WDFY2: variants seen among roughly 807,000 people sequenced by gnomAD.
WDFY2 encodes WD repeat and FYVE domain-containing protein 2.
In WDFY2, 36 loss-of-function variants were observed where a neutral mutation model predicts 56.4. That is an observed-to-expected ratio of 0.64 (90% CI 0.49 to 0.84). WDFY2 has a LOEUF of 0.84. WDFY2 is among the 40% of genes least tolerant of loss of function. The pLI is 0.00. For missense variants in WDFY2, 444 were observed against 512.2 expected (o/e 0.87, Z 1.29); for synonymous variants, 176 against 183.7 (o/e 0.96, Z 0.34).
chr13:51,610,256 G>GTTTTT (rs1221404866), intron 1 of WDFY2, among the ~76,000 whole-genome samples: 1 of 128,126 alleles, frequency 7.8e-6, no homozygotes, highest in East Asian at 2.2e-4. Context: ...TTTTTTTTTG[G>GTTTTT]GGGGCTAAAA....
In WDFY2 at chr13:51,584,686, C is replaced by G. The variant is rs1487138652; in HGVS notation, c.-2C>G. 4.3e-6 allele frequency: 7 copies of G among 1,610,684 alleles called. No individual in the cohort carries two copies. The highest frequency in any genetic ancestry group is 5.9e-6 in the Non-Finnish European group (7 of 1,178,870). ...GGCGCCCCAGGCGCGCCCCCTCCTCCGATGGCGGCGGAGATCCAGCCCAAG... is the reference window on the plus strand; with the variant it reads ...GGCGCCCCAGGCGCGCCCCCTCCTCGGATGGCGGCGGAGATCCAGCCCAAG... On this transcript the variant is annotated 5_prime_UTR_variant, in exon 1 of 12. Coordinates refer to ENST00000298125, the MANE Select transcript of WDFY2 (RefSeq NM_052950.4).
intron 9 of WDFY2, 110 bp downstream of exon 9, chr13:51,755,569 T>C (rs1190777469): frequency 1.9e-5 from 19 of 1,019,200 alleles, no homozygotes; most frequent in Non-Finnish European, 2.5e-5. Context: ...GGGTAAATTA[T>C]TATCCTGGAG....
At chr13:51,724,293 A>G (rs551228243) in intron 5 of WDFY2, among the ~76,000 whole-genome samples, 123 of 137,142 alleles carry the variant, frequency 9.0e-4, no homozygotes, top group Middle Eastern at 4.2e-3. Context: ...GCTGGAGTGC[A>G]ATGGCACTAT....
At chr13:51,717,257 C>T (rs1210352687) in intron 4 of WDFY2, among the ~76,000 whole-genome samples, 3 of 151,956 alleles carry the variant, frequency 2.0e-5, no homozygotes, top group Non-Finnish European at 4.4e-5. Flanking sequence ...ATCTTTTTCA[C>T]CTTAAACAGA....
At chr13:51,732,138 T>G (rs1170179471) in intron 6 of WDFY2, among the ~76,000 whole-genome samples, 1 of 152,206 alleles carries the variant, frequency 6.6e-6, no homozygotes, top group African/African-American at 2.4e-5. Flanking sequence ...GAATTTTTTT[T>G]TTGTTTTTTT....
chr13:51,678,159 T>C (rs997582325), intron 3 of WDFY2, among the ~76,000 whole-genome samples: 2 of 152,236 alleles, frequency 1.3e-5, no homozygotes, highest in Non-Finnish European at 1.5e-5. Flanking sequence ...CAATTGAAAT[T>C]AGTCACACAC....
intron 1 of WDFY2, among the ~76,000 whole-genome samples, chr13:51,641,287 G>A (rs1364365976): frequency 6.6e-6 from 1 of 151,802 alleles, no homozygotes; most frequent in African/African-American, 2.4e-5. Context: ...GGCCAGGCTC[G>A]TCTTGAACTC....
chr13:51,654,635 G>C (rs1955473391), intron 1 of WDFY2, among the ~76,000 whole-genome samples: 3 of 152,124 alleles, frequency 2.0e-5, no homozygotes, highest in East Asian at 1.9e-4. Context: ...ATTTTCTTCA[G>C]GGAAAAATGT....
intron 1 of WDFY2, among the ~76,000 whole-genome samples, chr13:51,610,415 A>C (rs1378576981): frequency 6.6e-6 from 1 of 152,068 alleles, no homozygotes; most frequent in Non-Finnish European, 1.5e-5. Context: ...TATTGTATGA[A>C]TTTGTTGTAT....
intron 3 of WDFY2, among the ~76,000 whole-genome samples, chr13:51,679,713 G>C (rs1053512525): frequency 1.3e-5 from 2 of 152,098 alleles, no homozygotes; most frequent in Non-Finnish European, 2.9e-5. Context: ...TTTCTCTCAT[G>C]GTTCTGGAGC....
chr13:51,662,461 G>A (rs1388927402), intron 2 of WDFY2, among the ~76,000 whole-genome samples: 1 of 152,100 alleles, frequency 6.6e-6, no homozygotes, highest in Admixed American at 6.5e-5. Flanking sequence ...GGGGATTTGG[G>A]GATGGCAAGC....
chr13:51,644,298 A>C (rs1352659368), intron 1 of WDFY2, among the ~76,000 whole-genome samples: 1 of 152,222 alleles, frequency 6.6e-6, no homozygotes, highest in African/African-American at 2.4e-5. Flanking sequence ...CTTGTGGCTC[A>C]TCTTTTCCTT....
chr13:51,765,092 A>G lies in WDFY2; in HGVS notation c.*5323A>G, dbSNP rs1462336803. 2 of 152,096 alleles carry G rather than the reference A, an allele frequency of 1.3e-5. No homozygotes were observed. The highest frequency in any genetic ancestry group is 2.4e-5 in the African/African-American group (1 of 41,370). The allele number at this position is 152,096 out of a possible 1,614,324, so 9.4% of individuals were successfully genotyped here. Reference sequence around the variant, plus strand: ...AACAGGAAGGCAGAGAGTTTCGTCAATTCAGGTACAGGTCTGTCTGGGAGA... The same window carrying G: ...AACAGGAAGGCAGAGAGTTTCGTCAGTTCAGGTACAGGTCTGTCTGGGAGA... On this transcript the variant is annotated 3_prime_UTR_variant, in exon 12 of 12. Transcript: ENST00000298125.
intron 5 of WDFY2, among the ~76,000 whole-genome samples, chr13:51,724,334 T>G (rs1322396488): frequency 6.6e-6 from 1 of 150,800 alleles, no homozygotes; most frequent in Non-Finnish European, 1.5e-5. Context: ...GCCTCCTGGA[T>G]TCAAGCGATT....
At chr13:51,678,797 A>G (rs1254339489) in intron 3 of WDFY2, among the ~76,000 whole-genome samples, 1 of 152,220 alleles carries the variant, frequency 6.6e-6, no homozygotes, top group African/African-American at 2.4e-5. Flanking sequence ...AATAAGTAAC[A>G]CAAAGTAAAC....
At chr13:51,751,149 C>T (rs117459398) in intron 7 of WDFY2, among the ~76,000 whole-genome samples, 161 bp from the exon 8 acceptor site, 124 of 152,242 alleles carry the variant, frequency 8.1e-4, no homozygotes, top group South Asian at 1.7e-3. Flanking sequence ...ATCCTGGATA[C>T]TCTTCTGACC....
chr13:51,754,977 C>G (rs1433300000), intron 8 of WDFY2, among the ~76,000 whole-genome samples: 3 of 152,134 alleles, frequency 2.0e-5, no homozygotes, highest in African/African-American at 7.2e-5. Flanking sequence ...CTCTCATTTC[C>G]CCATCTGTGC....
chr13:51,727,828 C>G (rs1415901572), intron 6 of WDFY2, 38 bp downstream of exon 6: 1 of 1,583,244 alleles, frequency 6.3e-7, no homozygotes, highest in Non-Finnish European at 8.7e-7. Flanking sequence ...GCTGATAGCA[C>G]AGTGAGATAT....
intron 2 of WDFY2, among the ~76,000 whole-genome samples, chr13:51,664,987 T>C (rs1955675220): frequency 6.6e-6 from 1 of 152,260 alleles, no homozygotes; most frequent in Admixed American, 6.5e-5. Flanking sequence ...AGATGGTTCC[T>C]GTCTTTGCAG....
Sources: allele counts gnomAD v4.1 joint callset (sites outside exome capture counted in the v4.1 genomes callset), GRCh38; gene constraint gnomAD v4.1.1; transcripts MANE v1.5; gene names NCBI Gene and HGNC (gene_info 2026-07-23, HGNC 2026-07-21).